The following MARCOL variants were observed in gnomAD, a reference collection of about 807,000 sequenced individuals.
MARCOL encodes the protein MARCO-like protein.
intron 1 of MARCOL, among the ~76,000 whole-genome samples, chr5:148,239,149 A>C (rs181963566): frequency 1.3e-5 from 2 of 152,140 alleles, no homozygotes; most frequent in East Asian, 1.9e-4. Context: ...TTCGGGAACT[A>C]TACAGATAAT....
chr5:148,239,156 T>C (rs1207737950), intron 1 of MARCOL, among the ~76,000 whole-genome samples: 1 of 152,032 alleles, frequency 6.6e-6, no homozygotes, highest in Non-Finnish European at 1.5e-5. Context: ...ACTATACAGA[T>C]AATAGCTTTA....
At chr5:148,241,654 A>G (rs1428557298) in intron 1 of MARCOL, among the ~76,000 whole-genome samples, 2 of 152,070 alleles carry the variant, frequency 1.3e-5, no homozygotes, top group African/African-American at 4.8e-5. Context: ...ATCTGAAAAA[A>G]CATAAAACAT....
chr5:148,243,241 A>C lies in MARCOL; in HGVS notation c.845A>C (p.Gln282Pro), dbSNP rs992167665. The change falls in exon 2 of 2, where the codon CAA becomes CCA. Residue 282 changes from glutamine to proline, a missense_variant. Gln to Pro is a moderately conservative substitution (Grantham distance 76, BLOSUM62 -1). Transcript: ENST00000638089. ...KQRKPGSSSR[Q>P]GNL Reference sequence around the variant, plus strand: ...AGGAAGCCAGGTTCATCCAGCCGTCAAGGAAATCTATGATTATCTAGCCAG... The same window carrying C: ...AGGAAGCCAGGTTCATCCAGCCGTCCAGGAAATCTATGATTATCTAGCCAG... The C allele has an allele frequency of 1.3e-5, 5 of 398,916 alleles. No homozygotes were observed. The highest frequency in any genetic ancestry group is 1.0e-4 in the African/African-American group (5 of 48,626). 24.7% of individuals were successfully genotyped at this position (398,916 alleles called of 1,614,324 possible).
At chr5:148,242,274 A>G (rs1342632663) in intron 1 of MARCOL, among the ~76,000 whole-genome samples, 172 bp from the exon 2 acceptor site, 3 of 152,044 alleles carry the variant, frequency 2.0e-5, no homozygotes, top group Non-Finnish European at 2.9e-5. Flanking sequence ...CAAAGGAGGA[A>G]CCCAAATATT....
chr5:148,243,388 T>G lies in MARCOL; in HGVS notation c.*134T>G, dbSNP rs1235487860. 7.9e-6 allele frequency: 3 copies of G among 378,346 alleles called. No homozygotes were observed. Among genetic ancestry groups the G allele is most frequent in the Non-Finnish European group, 1.4e-5 (3 of 215,026 alleles). 23.4% of individuals were successfully genotyped at this position (378,346 alleles called of 1,614,324 possible). On this transcript the variant is annotated 3_prime_UTR_variant, in exon 2 of 2. Coordinates refer to ENST00000638089, the MANE Select transcript of MARCOL (RefSeq NM_001363511.2). ...TCATCTAGCCAACAAGGGAAGCCAG[T>G]GTCATCTAGCCAACAAGGGAAGCCA... is the stretch of plus-strand genomic sequence containing the variant.
chr5:148,238,881 G>A (rs2113338845), intron 1 of MARCOL, among the ~76,000 whole-genome samples: 1 of 152,138 alleles, frequency 6.6e-6, no homozygotes, highest in East Asian at 1.9e-4. Context: ...CAGATACAAG[G>A]GAGTAGGAAA....
chr5:148,241,153 T>TTGCTAAC (rs11282537), intron 1 of MARCOL, among the ~76,000 whole-genome samples: 118,558 of 151,148 alleles, frequency 0.78, 49,739 homozygotes, highest in Middle Eastern at 0.94. Context: ...GTTAAGCAGG[T>TTGCTAAC]TGCTAAGCTT....
In MARCOL at chr5:148,242,521, A is replaced by T; in HGVS notation, c.125A>T (p.Glu42Val). 1 of 398,270 alleles carries T rather than the reference A, an allele frequency of 2.5e-6. No individual in the cohort carries two copies. Among genetic ancestry groups the T allele is most frequent in the Non-Finnish European group, 4.4e-6 (1 of 225,872 alleles). The allele number at this position is 398,270 out of a possible 1,614,324, so 24.7% of individuals were successfully genotyped here. Residue 42 changes from glutamate to valine, a missense_variant, in exon 2 of 2, where the codon GAA becomes GTA. Glu to Val is a moderately radical substitution (Grantham distance 121). Transcript: ENST00000638089. ...CCAAAACCTGCACTTATTCTGGAGG[A>T]AAAAAATGAAGCTAACCATCTAGGA... Reference protein sequence around the residue: ...ENPKPALILEEKNEANHLGGQ... With the variant: ...ENPKPALILEVKNEANHLGGQ...
chr5:148,240,875 C>T (rs1432106410), intron 1 of MARCOL, among the ~76,000 whole-genome samples: 2 of 151,870 alleles, frequency 1.3e-5, no homozygotes, highest in Admixed American at 1.3e-4. Context: ...ATTCCACACT[C>T]TCTGCTACCT....
At chr5:148,238,720 A>G (rs1328282824) in intron 1 of MARCOL, 74 bp downstream of exon 1, 1 of 397,240 alleles carries the variant, frequency 2.5e-6, no homozygotes, top group South Asian at 1.3e-4. Context: ...GTGATTTAGC[A>G]ATACTTTATC....
intron 1 of MARCOL, 118 bp downstream of exon 1, chr5:148,238,764 A>G: frequency 2.5e-6 from 1 of 394,530 alleles, no homozygotes; most frequent in Non-Finnish European, 4.5e-6. Flanking sequence ...CATCAGACAG[A>G]GAAATGGAAG....
At chr5:148,240,720 G>C (rs942577540) in intron 1 of MARCOL, among the ~76,000 whole-genome samples, 1 of 151,772 alleles carries the variant, frequency 6.6e-6, no homozygotes, top group African/African-American at 2.4e-5. Context: ...GTTAGCAACT[G>C]TTAATGAGCA....
chr5:148,239,665 GAGAT>G (rs1755943233), intron 1 of MARCOL, among the ~76,000 whole-genome samples: 1 of 151,832 alleles, frequency 6.6e-6, no homozygotes, highest in Non-Finnish European at 1.5e-5. Flanking sequence ...GGTGAGTTAA[GAGAT>G]AGAATTAGAG....
At chr5:148,239,650 A>G (rs1755943082) in intron 1 of MARCOL, among the ~76,000 whole-genome samples, 1 of 151,926 alleles carries the variant, frequency 6.6e-6, no homozygotes, top group African/African-American at 2.4e-5. Flanking sequence ...TTAAGAAAAA[A>G]AAAGGGTGAG....
chr5:148,238,745 T>C (rs996398417), intron 1 of MARCOL, 99 bp downstream of exon 1: 10 of 396,044 alleles, frequency 2.5e-5, no homozygotes, highest in Admixed American at 8.8e-5. Context: ...GATTTAAAAA[T>C]AGGCAATCCA....
At position 148,242,921 on chromosome 5, in the gene MARCOL, G is replaced by A. The variant is rs1199330342; in HGVS notation, c.525G>A (p.Gly175=). ...QGKPGSSSQH[G]NLGSSTQKGN... ...AGCCAGGATCATCTAGCCAACACGG[G>A]AATCTAGGGTCATCAACCCAGAAAG... Residue 175 remains glycine (G), a synonymous_variant, in exon 2 of 2, where the codon GGG becomes GGA. Transcript: ENST00000638089. 2 of 398,430 alleles carry A rather than the reference G, an allele frequency of 5.0e-6. No homozygotes were observed. The highest frequency in any genetic ancestry group is 8.8e-6 in the Non-Finnish European group (2 of 226,120). 24.7% of individuals were successfully genotyped at this position (398,430 alleles called of 1,614,324 possible).
In MARCOL at chr5:148,242,890, A is replaced by T. The variant is rs1164877562; in HGVS notation, c.494A>T (p.Gln165Leu). 14 of 399,146 alleles carry T rather than the reference A, an allele frequency of 3.5e-5. No homozygotes were observed. 24.7% of individuals were successfully genotyped at this position (399,146 alleles called of 1,614,324 possible). A position where few individuals can be genotyped will look rare whatever the true frequency, so the allele number is the denominator to read the frequency against. ...GTGATGGTGGGGTCATCTAGCCAACAGGGGAAGCCAGGATCATCTAGCCAA... is the reference window on the plus strand; with the variant it reads ...GTGATGGTGGGGTCATCTAGCCAACTGGGGAAGCCAGGATCATCTAGCCAA... ...QKVMVGSSSQQGKPGSSSQHG... is the reference protein window; with the variant it reads ...QKVMVGSSSQLGKPGSSSQHG... Residue 165 changes from glutamine to leucine, a missense_variant, in exon 2 of 2, where the codon CAG (glutamine) becomes CTG (leucine). Coordinates refer to ENST00000638089, the MANE Select transcript of MARCOL (RefSeq NM_001363511.2).
chr5:148,242,520 GA>G lies in MARCOL; in HGVS notation c.131del (p.Asn44MetfsTer6), dbSNP rs1350690955. Reference sequence around the variant, plus strand: ...TCCAAAACCTGCACTTATTCTGGAGGAAAAAAATGAAGCTAACCATCTAGGA... The same window carrying G: ...TCCAAAACCTGCACTTATTCTGGAGGAAAAAATGAAGCTAACCATCTAGGA... Reference protein sequence around the residue: ...ENPKPALILEEKNEANHLGGQ... With the variant: ...ENPKPALILEXKNEANHLGGQ... On this transcript the variant is annotated frameshift_variant, in exon 2 of 2. Coordinates refer to ENST00000638089, the MANE Select transcript of MARCOL (RefSeq NM_001363511.2). LOFTEE classifies it low-confidence loss of function (END_TRUNC). 3 of 398,058 alleles carry G rather than the reference GA, an allele frequency of 7.5e-6. No homozygotes were observed. The highest frequency in any genetic ancestry group is 1.3e-5 in the Non-Finnish European group (3 of 225,878). The allele number at this position is 398,058 out of a possible 1,614,324, so 24.7% of individuals were successfully genotyped here.
At position 148,243,334 on chromosome 5, in the gene MARCOL, G is replaced by C. The variant is rs558229655; in HGVS notation, c.*80G>C. On this transcript the variant is annotated 3_prime_UTR_variant, in exon 2 of 2. Transcript: ENST00000638089. ...TCTTCTAGCCAACAAGGGAATCTAG[G>C]GTCATCTAGCTATCAAGGGAAGCCA... is the stretch of plus-strand genomic sequence containing the variant. 2 of 397,772 alleles carry C rather than the reference G, an allele frequency of 5.0e-6. No individual in the cohort carries two copies. Among genetic ancestry groups the C allele is most frequent in the South Asian group, 2.6e-4 (2 of 7,770 alleles). 24.6% of individuals were successfully genotyped at this position (397,772 alleles called of 1,614,324 possible).
Sources: gnomAD v4.1 joint callset for allele counts (sites outside exome capture counted in the v4.1 genomes callset) on GRCh38, gnomAD v4.1.1 for gene constraint, MANE v1.5 for transcripts, NCBI Gene and HGNC (gene_info 2026-07-23, HGNC 2026-07-21) for gene names.